Variants in CCND2 observed in about 807,000 individuals in gnomAD.
CCND2 encodes G1/S-specific cyclin-D2.
A neutral mutation model predicts 30.2 loss-of-function variants in CCND2; 6 were observed. The ratio of observed to expected loss-of-function variants is 0.20; its 90% CI spans 0.11 to 0.39. The LOEUF (loss-of-function observed/expected upper bound fraction) is 0.39. Among genes scored for constraint, CCND2 ranks in the 10% least tolerant of loss-of-function variants. CCND2 has a pLI of 1.00. For missense variants in CCND2, 235 were observed against 373.4 expected (o/e 0.63, Z 3.06); for synonymous variants, 150 against 153.1 (o/e 0.98, Z 0.15).
intron 3 of CCND2, among the ~76,000 whole-genome samples, chr12:4,283,252 C>A (rs1170473253): frequency 6.6e-6 from 1 of 152,196 alleles, no homozygotes; most frequent in Non-Finnish European, 1.5e-5. Flanking sequence ...CCCAGGGCAT[C>A]CTTGGGAGGA....
At chr12:4,297,597 A>C (rs941952874) in intron 4 of CCND2, among the ~76,000 whole-genome samples, 10 of 145,372 alleles carry the variant, frequency 6.9e-5, no homozygotes, top group Admixed American at 4.8e-4. Flanking sequence ...AAAAAAAAAA[A>C]CAGAAAAGAA....
chr12:4,303,952 C>A lies in CCND2; in HGVS notation c.*3943C>A. ...GGAGAAGACAACCCTGACAGCATCA[C>A]GCTGCATCCCATTGCTAGCAGGATT... On this transcript the variant is annotated 3_prime_UTR_variant, in exon 5 of 5. Coordinates refer to ENST00000261254, the MANE Select transcript of CCND2 (RefSeq NM_001759.4). The surrounding 1 kb of genome is among the most constrained non-coding windows in gnomAD (Gnocchi z 4.6). The A allele has an allele frequency of 4.3e-6, 1 of 233,396 alleles. No homozygotes were observed. Among genetic ancestry groups the A allele is most frequent in the Non-Finnish European group, 8.5e-6 (1 of 118,124 alleles). The allele number at this position is 233,396 out of a possible 1,614,324, so 14.5% of individuals were successfully genotyped here.
intron 3 of CCND2, among the ~76,000 whole-genome samples, chr12:4,284,748 T>TC (rs1209711270): frequency 2.0e-5 from 3 of 150,952 alleles, no homozygotes; most frequent in South Asian, 2.1e-4. Flanking sequence ...CTTTTTCTTT[T>TC]TTTTTTTTGA....
At position 4,289,253 on chromosome 12, in the gene CCND2, C is replaced by T. The variant is rs553203087; in HGVS notation, c.720+263C>T. The T allele has an allele frequency of 6.3e-5, 17 of 271,522 alleles. 1 individual carries two copies. In the South Asian group the frequency reaches 6.9e-4, roughly 11 times the overall value. The allele number at this position is 271,522 out of a possible 1,614,324, so 16.8% of individuals were successfully genotyped here. A position where few individuals can be genotyped will look rare whatever the true frequency, so the allele number is the denominator to read the frequency against. On this transcript the variant is annotated intron_variant, in intron 4 of 4. Transcript: ENST00000261254. ...GCTGTTTACCGATGTTCCTTTATGG[C>T]GTGGGCTTCTCAGTGGGTCTGAATT...
intron 4 of CCND2, among the ~76,000 whole-genome samples, chr12:4,296,234 A>G (rs994066734): frequency 6.6e-6 from 1 of 152,216 alleles, no homozygotes; most frequent in African/African-American, 2.4e-5. Flanking sequence ...TGGAGTCCCA[A>G]GTTGGCCATA....
At chr12:4,295,574 C>T (rs537040225) in intron 4 of CCND2, among the ~76,000 whole-genome samples, 4 of 152,106 alleles carry the variant, frequency 2.6e-5, no homozygotes, top group Admixed American at 2.0e-4. Context: ...GTCAGGAGTT[C>T]GAGACCAGCC....
intron 2 of CCND2, among the ~76,000 whole-genome samples, chr12:4,278,258 G>T (rs1863900225): frequency 6.6e-6 from 1 of 152,330 alleles, no homozygotes. Context: ...CAAGCTAATT[G>T]GTTGCCAAGG....
At chr12:4,283,934 CGAT>C (rs1318537153) in intron 3 of CCND2, among the ~76,000 whole-genome samples, 1 of 152,188 alleles carries the variant, frequency 6.6e-6, no homozygotes, top group Non-Finnish European at 1.5e-5. Context: ...TTTGGGGACT[CGAT>C]GATGTCATTT....
At chr12:4,275,856 C>T in intron 1 of CCND2, 149 bp from the exon 2 acceptor site, 1 of 569,566 alleles carries the variant, frequency 1.8e-6, no homozygotes, top group Non-Finnish European at 3.1e-6. Flanking sequence ...GTTCTTTATT[C>T]TTATCACGCA....
chr12:4,292,159 A>G (rs1339895773), intron 4 of CCND2, among the ~76,000 whole-genome samples: 1 of 152,124 alleles, frequency 6.6e-6, no homozygotes, highest in Non-Finnish European at 1.5e-5. Context: ...ATGTATATAC[A>G]CACACATACA....
chr12:4,277,699 C>T (rs1863893055), intron 2 of CCND2, among the ~76,000 whole-genome samples: 1 of 152,128 alleles, frequency 6.6e-6, no homozygotes, highest in Non-Finnish European at 1.5e-5. Context: ...GAAAGGGAAT[C>T]ACCCCCAGCC....
chr12:4,274,783 T>A lies in CCND2; in HGVS notation c.195+548T>A, dbSNP rs74058827. Reference sequence around the variant, plus strand: ...CCGGAAGTCCCATTGAAGAAACGCGTGTTTCAGGGGAACCCAAAAGAACCG... The same window carrying A: ...CCGGAAGTCCCATTGAAGAAACGCGAGTTTCAGGGGAACCCAAAAGAACCG... On this transcript the variant is annotated intron_variant, in intron 1 of 4. Coordinates refer to ENST00000261254, the MANE Select transcript of CCND2 (RefSeq NM_001759.4). The surrounding 1 kb of genome is among the most constrained non-coding windows in gnomAD (Gnocchi z 7.7). Among the ~76,000 whole-genome samples the A allele has an allele frequency of 5.8e-3, 881 of 152,282 alleles. 9 individuals are homozygous for A. The highest frequency in any genetic ancestry group is 0.02 in the African/African-American group (824 of 41,554).
chr12:4,301,077 CCA>C lies in CCND2; in HGVS notation c.*1069_*1070del. ...TCTTTTGCCCCCTCCCTTCCTGCCC[CCA>C]GTCTGGGTTACTCTTCGCTTCTGGT... On this transcript the variant is annotated 3_prime_UTR_variant, in exon 5 of 5. Transcript: ENST00000261254. 4.3e-6 allele frequency: 1 copy of C among 233,638 alleles called. No homozygotes were observed. Among genetic ancestry groups the C allele is most frequent in the Non-Finnish European group, 8.5e-6 (1 of 118,058 alleles). The allele number at this position is 233,638 out of a possible 1,614,324, so 14.5% of individuals were successfully genotyped here.
rs1056086683 is a variant in CCND2, at chr12:4,276,291, A to G, written c.411+71A>G. 1.2e-5 allele frequency: 16 copies of G among 1,331,364 alleles called. No individual in the cohort carries two copies. The Middle Eastern group carries it at 7.1e-4, about 59-fold the overall frequency. 82.5% of individuals were successfully genotyped at this position (1,331,364 alleles called of 1,614,324 possible). ...TCCCCTGGCCAACAATATGCCTTCT[A>G]TCACCACTGCCAGAGCAAATTCTTG... On this transcript the variant is annotated intron_variant, in intron 2 of 4. Transcript: ENST00000261254. The surrounding 1 kb of genome is among the most constrained non-coding windows in gnomAD (Gnocchi z 4.8).
chr12:4,294,919 AG>A (rs1864147316), intron 4 of CCND2, among the ~76,000 whole-genome samples: 1 of 152,224 alleles, frequency 6.6e-6, no homozygotes. Context: ...TCCTCTCTCC[AG>A]GTGGCTGCCC....
Position 4,299,448 on chromosome 12 carries a change from T to C in CCND2, c.721-412T>C, listed in dbSNP as rs1043443705. On this transcript the variant is annotated intron_variant, in intron 4 of 4. Coordinates refer to ENST00000261254, the MANE Select transcript of CCND2 (RefSeq NM_001759.4). The surrounding 1 kb of genome is among the most constrained non-coding windows in gnomAD (Gnocchi z 5.2). ...GAGTTTGCTAATGTCATAGCACTTC[T>C]AGTAGCCTTCCCCTTTTCTCTGCCA... Among the ~76,000 whole-genome samples, 2 of 152,230 alleles carry C rather than the reference T, an allele frequency of 1.3e-5. No homozygotes were observed. The highest frequency in any genetic ancestry group is 6.5e-5 in the Admixed American group (1 of 15,280).
intron 2 of CCND2, 176 bp from the exon 3 acceptor site, chr12:4,278,584 T>G (rs1421509269): frequency 3.8e-6 from 2 of 521,266 alleles, no homozygotes; most frequent in Admixed American, 7.0e-5. Flanking sequence ...TAAGAAGAGC[T>G]GTCAACAACT....
chr12:4,303,670 C>T lies in CCND2; in HGVS notation c.*3661C>T, dbSNP rs994923117. ...AATTAAACTCCATGCGGGTCCATAA[C>T]AGCCAAGAAGCCTGCAGGAGAAAGC... is the stretch of plus-strand genomic sequence containing the variant. On this transcript the variant is annotated 3_prime_UTR_variant, in exon 5 of 5. Transcript: ENST00000261254. This position sits in a 1 kb window ranked among gnomAD's most constrained non-coding sequence, Gnocchi z 4.6. The T allele has an allele frequency of 4.3e-6, 1 of 233,676 alleles. No homozygotes were observed. Among genetic ancestry groups the T allele is most frequent in the Non-Finnish European group, 8.5e-6 (1 of 118,066 alleles). 14.5% of individuals were successfully genotyped at this position (233,676 alleles called of 1,614,324 possible).
rs757476760 is a variant in CCND2, at chr12:4,300,015, C to T, written c.*6C>T. ...TGCGGGATATCGACCTGTGAGGATGCCAGTTGGGCCGAAAGAGAGAGACGC... is the reference window on the plus strand; with the variant it reads ...TGCGGGATATCGACCTGTGAGGATGTCAGTTGGGCCGAAAGAGAGAGACGC... On this transcript the variant is annotated 3_prime_UTR_variant, in exon 5 of 5. Coordinates refer to ENST00000261254, the MANE Select transcript of CCND2 (RefSeq NM_001759.4). The T allele has an allele frequency of 1.2e-6, 2 of 1,611,774 alleles. No individual in the cohort carries two copies. The highest frequency in any genetic ancestry group is 1.7e-6 in the Non-Finnish European group (2 of 1,178,716).
Sources: allele counts gnomAD v4.1 joint callset (sites outside exome capture counted in the v4.1 genomes callset), GRCh38; gene constraint gnomAD v4.1.1; non-coding constraint Gnocchi (gnomAD v3.1); transcripts MANE v1.5; gene names NCBI Gene and HGNC (gene_info 2026-07-23, HGNC 2026-07-21).